Variants in ACP1 observed in about 807,000 individuals in gnomAD.
The protein encoded by ACP1 is acid phosphatase 1, also known as low molecular weight phosphotyrosine protein phosphatase.
A neutral mutation model predicts 23.4 loss-of-function variants in ACP1; 23 were observed. That is an observed-to-expected ratio of 0.98 (90% CI 0.71 to 1.39). The LOEUF is 1.39. ACP1 is among the 40% of genes most tolerant of loss of function. The pLI, the probability that ACP1 is intolerant of heterozygous loss-of-function variation, is 0.00. For synonymous variants in ACP1, 72 were observed against 67.2 expected (o/e 1.07, Z -0.35); for missense variants, 180 against 197.7 (o/e 0.91, Z 0.54).
chr2:275,246 G>A, intron 4 of ACP1, 45 bp downstream of exon 4: 1 of 1,099,590 alleles, frequency 9.1e-7, no homozygotes, highest in Non-Finnish European at 1.3e-6. Context: ...TCTCAGTTCA[G>A]CAGTGGGCCA....
At chr2:269,720 C>T (rs1237044060) in intron 1 of ACP1, among the ~76,000 whole-genome samples, 3 of 152,270 alleles carry the variant, frequency 2.0e-5, no homozygotes, top group South Asian at 2.1e-4. Flanking sequence ...GCAAAGCAAG[C>T]CATAAAACCT....
intron 1 of ACP1, among the ~76,000 whole-genome samples, chr2:270,471 A>G (rs187419783): frequency 2.2e-4 from 33 of 152,224 alleles, no homozygotes; most frequent in Admixed American, 1.4e-3. Context: ...TCCTTTTAAT[A>G]TCATCTCTAA....
chr2:272,054 G>A lies in ACP1; in HGVS notation c.135G>A (p.Ala45=), dbSNP rs909641029. The change falls in exon 3 of 6, where the codon GCG becomes GCA. Residue 45 remains alanine (A), a synonymous_variant. Transcript: ENST00000272065. ...NISENWRVDS[A]ATSGYEIGNP... ...CCCTGCAGTGGAGGGTAGACAGCGC[G>A]GCAACTTCCGGGTATGAGATAGGGA... The A allele has an allele frequency of 9.9e-6, 16 of 1,613,996 alleles. No individual in the cohort carries two copies. The highest frequency in any genetic ancestry group is 1.3e-5 in the Non-Finnish European group (15 of 1,180,002).
Position 278,052 on chromosome 2 carries a change from A to G in ACP1, c.*748A>G, listed in dbSNP as rs1465767446. The G allele has an allele frequency of 6.6e-6, 1 of 152,256 alleles. No homozygotes were observed. The highest frequency in any genetic ancestry group is 1.5e-5 in the Non-Finnish European group (1 of 68,042). The allele number at this position is 152,256 out of a possible 1,614,324, so 9.4% of individuals were successfully genotyped here. A position where few individuals can be genotyped will look rare whatever the true frequency, so the allele number is the denominator to read the frequency against. ...GAGGAATATGACTGTTTTTATATGC[A>G]CATGTAACCCAAATGTCCAATATAA... On this transcript the variant is annotated 3_prime_UTR_variant, in exon 6 of 6. Transcript: ENST00000272065.
chr2:270,903 A>G (rs943474640), intron 1 of ACP1, among the ~76,000 whole-genome samples: 1 of 152,084 alleles, frequency 6.6e-6, no homozygotes, highest in Non-Finnish European at 1.5e-5. Context: ...TGAAATTGTA[A>G]TGGTAAGTGT....
At chr2:272,308 A>G (rs1169619893) in intron 3 of ACP1, 158 bp downstream of exon 3, 4 of 1,611,898 alleles carry the variant, frequency 2.5e-6, no homozygotes, top group Admixed American at 3.4e-5. Flanking sequence ...CAAGACAGGT[A>G]GACAAGCTCT....
intron 1 of ACP1, among the ~76,000 whole-genome samples, chr2:270,193 C>T (rs1307639579): frequency 1.3e-5 from 2 of 152,202 alleles, no homozygotes; most frequent in African/African-American, 4.8e-5. Context: ...CAGGTTAGGG[C>T]ACAGTGCTTG....
chr2:271,987 G>C, intron 2 of ACP1, 48 bp downstream of exon 2: 3 of 1,562,986 alleles, frequency 1.9e-6, no homozygotes, highest in Non-Finnish European at 2.6e-6. Flanking sequence ...ACTCCTCTGG[G>C]CAGGAAATTG....
Position 264,947 on chromosome 2 carries a change from G to T in ACP1, c.-18G>T. On this transcript the variant is annotated 5_prime_UTR_variant, in exon 1 of 6. Transcript: ENST00000272065. ...GTGCGGAACGCCGCGGTGTCTCGGC[G>T]CCTCTGCGCGCGGGAAGATGGCGGA... The T allele has an allele frequency of 6.2e-7, 1 of 1,611,680 alleles. No individual in the cohort carries two copies. The highest frequency in any genetic ancestry group is 2.2e-5 in the East Asian group (1 of 44,668).
At chr2:275,933 TA>T (rs773423701) in intron 4 of ACP1, among the ~76,000 whole-genome samples, 4 of 152,274 alleles carry the variant, frequency 2.6e-5, no homozygotes, top group Non-Finnish European at 4.4e-5. Flanking sequence ...CAGTTTCAAT[TA>T]TTTTTTATTA....
At chr2:265,045 C>T (rs1377840459) in intron 1 of ACP1, 38 bp downstream of exon 1, 1 of 1,608,406 alleles carries the variant, frequency 6.2e-7, no homozygotes, top group South Asian at 1.1e-5. Context: ...CTGACGTCCT[C>T]TGGAGAGTTG....
At chr2:273,915 A>G (rs1670107227) in intron 3 of ACP1, among the ~76,000 whole-genome samples, 1 of 152,166 alleles carries the variant, frequency 6.6e-6, no homozygotes, top group Admixed American at 6.5e-5. Context: ...TTATAATCCT[A>G]ATAACACTTT....
rs1670210573 is a variant in ACP1, at chr2:277,576, G to T, written c.*272G>T. The T allele has an allele frequency of 2.1e-6, 1 of 469,856 alleles. No homozygotes were observed. The highest frequency in any genetic ancestry group is 2.0e-5 in the African/African-American group (1 of 51,246). The allele number at this position is 469,856 out of a possible 1,614,324, so 29.1% of individuals were successfully genotyped here. A position where few individuals can be genotyped will look rare whatever the true frequency, so the allele number is the denominator to read the frequency against. The stretch of plus-strand genomic sequence containing the variant: ...TCACTTTGCCCCAGTTACAAAAATA[G>T]TAGAACAAGCAACATAAAACAATGA... On this transcript the variant is annotated 3_prime_UTR_variant, in exon 6 of 6. Transcript: ENST00000272065.
rs938829850 is a variant in ACP1, at chr2:277,597, A to C, written c.*293A>C. On this transcript the variant is annotated 3_prime_UTR_variant, in exon 6 of 6. Coordinates refer to ENST00000272065, the MANE Select transcript of ACP1 (RefSeq NM_004300.4). Reference sequence around the variant, plus strand: ...AATAGTAGAACAAGCAACATAAAACAATGAAGGAAAACCTCACTTGAAGGC... The same window carrying C: ...AATAGTAGAACAAGCAACATAAAACCATGAAGGAAAACCTCACTTGAAGGC... 21 of 404,838 alleles carry C rather than the reference A, an allele frequency of 5.2e-5. No individual in the cohort carries two copies. The highest frequency in any genetic ancestry group is 9.2e-5 in the Non-Finnish European group (20 of 218,350). 25.1% of individuals were successfully genotyped at this position (404,838 alleles called of 1,614,324 possible). A position where few individuals can be genotyped will look rare whatever the true frequency, so the allele number is the denominator to read the frequency against.
In ACP1 at chr2:277,934, G is replaced by A. The variant is rs1670222020; in HGVS notation, c.*630G>A. On this transcript the variant is annotated 3_prime_UTR_variant, in exon 6 of 6. Transcript: ENST00000272065. ...TTTGTCGAGTTTACTTCATGAGGAG[G>A]TCAGCCCATTGGCTCCCATCTGAAC... The A allele has an allele frequency of 6.6e-6, 1 of 152,612 alleles. No individual in the cohort carries two copies. Among genetic ancestry groups the A allele is most frequent in the Non-Finnish European group, 1.5e-5 (1 of 68,342 alleles). The allele number at this position is 152,612 out of a possible 1,614,324, so 9.5% of individuals were successfully genotyped here.
intron 3 of ACP1, chr2:272,405 T>C: frequency 6.7e-7 from 1 of 1,495,650 alleles, no homozygotes; most frequent in Non-Finnish European, 8.9e-7. Context: ...TGTGTTTATT[T>C]AGGGTGAGCT....
At chr2:267,012 A>G (rs1669908102) in intron 1 of ACP1, among the ~76,000 whole-genome samples, 1 of 152,210 alleles carries the variant, frequency 6.6e-6, no homozygotes, top group Non-Finnish European at 1.5e-5. Flanking sequence ...CAGCATGGAT[A>G]TGCTGGACAA....
chr2:273,777 T>G (rs1286344894), intron 3 of ACP1, among the ~76,000 whole-genome samples: 1 of 152,346 alleles, frequency 6.6e-6, no homozygotes, highest in East Asian at 1.9e-4. Flanking sequence ...AGTTACTAAG[T>G]CTTTTTTTAT....
chr2:272,281 T>G, intron 3 of ACP1, 131 bp downstream of exon 3: 1 of 1,613,944 alleles, frequency 6.2e-7, no homozygotes, highest in Non-Finnish European at 8.5e-7. Context: ...ATCATGGCAT[T>G]CACACAGCCC....
Sources: gnomAD v4.1 joint callset for allele counts (sites outside exome capture counted in the v4.1 genomes callset) on GRCh38, gnomAD v4.1.1 for gene constraint, MANE v1.5 for transcripts, NCBI Gene and HGNC (gene_info 2026-07-23, HGNC 2026-07-21) for gene names.